The following PTPRB variants were observed in gnomAD, a reference collection of about 807,000 sequenced individuals.
PTPRB encodes the protein receptor-type tyrosine-protein phosphatase beta.
Under a neutral mutation model 238.1 loss-of-function variants are expected in PTPRB, and 97 were observed. The ratio of observed to expected loss-of-function variants is 0.41; its 90% CI spans 0.35 to 0.48. The LOEUF is 0.48. Among genes scored for constraint, PTPRB ranks in the 20% least tolerant of loss-of-function variants. The probability of loss-of-function intolerance (pLI) is 0.30; values close to 1 mark genes in which losing one functional copy is unlikely to be tolerated. For synonymous variants in PTPRB, 970 were observed against 995.4 expected (o/e 0.97, Z 0.48); for missense variants, 2,292 against 2,681.9 (o/e 0.85, Z 3.21).
chr12:70,521,504 G>T lies in PTPRB; in HGVS notation c.6633C>A (p.Val2211=). 2 of 1,546,402 alleles carry T rather than the reference G, an allele frequency of 1.3e-6. No homozygotes were observed. The highest frequency in any genetic ancestry group is 1.2e-5 in the South Asian group (1 of 81,488). The change falls in exon 34 of 34, where the codon GTC becomes GTA. Residue 2211 remains valine, a synonymous_variant. Coordinates refer to ENST00000334414, the MANE Select transcript of PTPRB (RefSeq NM_001109754.4). ...NVNPEYHRDP[V]YSRH Reference sequence around the variant, plus strand: ...AGGTACATTCTCAATGCCTTGAATAGACTGGATCTGAAAGGAAGAACACTG... The same window carrying T: ...AGGTACATTCTCAATGCCTTGAATATACTGGATCTGAAAGGAAGAACACTG...
At chr12:70,561,171 G>A (rs995918343) in intron 16 of PTPRB, among the ~76,000 whole-genome samples, 3 of 152,070 alleles carry the variant, frequency 2.0e-5, no homozygotes, top group African/African-American at 4.8e-5. Flanking sequence ...ACCCTGATAG[G>A]CATGTAAAAT....
At position 70,618,149 on chromosome 12, in the gene PTPRB, G is replaced by C. The variant is rs556317927; in HGVS notation, c.708+4241C>G. Among the ~76,000 whole-genome samples the C allele has an allele frequency of 9.2e-5, 14 of 152,282 alleles. No individual in the cohort carries two copies. In the South Asian group the frequency reaches 1.7e-3, roughly 18 times the overall value. On this transcript the variant is annotated intron_variant, in intron 3 of 33. Coordinates refer to ENST00000334414, the MANE Select transcript of PTPRB (RefSeq NM_001109754.4). ...GGGTCTCATTCTGTCATCCAGGCTG[G>C]AGTGCAGGGGCATGATCACAGCTCA...
rs529884439 is a variant in PTPRB, at chr12:70,550,782, C to T, written c.5387+1995G>A. Among the ~76,000 whole-genome samples, 644 of 152,226 alleles carry T rather than the reference C, an allele frequency of 4.2e-3. 2 individuals are homozygous for T. The highest frequency in any genetic ancestry group is 7.0e-3 in the Non-Finnish European group (474 of 68,004). On this transcript the variant is annotated intron_variant, in intron 21 of 33. Transcript: ENST00000334414. ...CCTCCCCTTTCCATAAGTAAACAAACTAAATCAGCTTCAGTTTTCCAACTC... is the reference window on the plus strand; with the variant it reads ...CCTCCCCTTTCCATAAGTAAACAAATTAAATCAGCTTCAGTTTTCCAACTC...
chr12:70,583,206 G>A (rs944445459), intron 9 of PTPRB, among the ~76,000 whole-genome samples: 1 of 152,070 alleles, frequency 6.6e-6, no homozygotes, highest in Non-Finnish European at 1.5e-5. Context: ...TATGGGTGGT[G>A]GGGATGATAA....
At chr12:70,544,512 G>T in intron 22 of PTPRB, 45 bp downstream of exon 22, 1 of 1,320,874 alleles carries the variant, frequency 7.6e-7, no homozygotes, top group Non-Finnish European at 1.1e-6. Context: ...GGCTCTTGTA[G>T]GTGACATGGC....
At chr12:70,549,688 T>C (rs1876593205) in intron 21 of PTPRB, among the ~76,000 whole-genome samples, 1 of 152,220 alleles carries the variant, frequency 6.6e-6, no homozygotes, top group Non-Finnish European at 1.5e-5. Context: ...CTGACTGGAC[T>C]GAGTTCAGCA....
At chr12:70,532,235 G>A in intron 31 of PTPRB, 65 bp from the exon 32 acceptor site, 7 of 1,487,530 alleles carry the variant, frequency 4.7e-6, no homozygotes, top group Non-Finnish European at 6.3e-6. Context: ...ATTGCATCTA[G>A]AGACTCTGGC....
chr12:70,526,145 A>T (rs1015523245), intron 32 of PTPRB, among the ~76,000 whole-genome samples: 4 of 152,180 alleles, frequency 2.6e-5, no homozygotes, highest in Admixed American at 2.6e-4. Flanking sequence ...CCAGCTATCC[A>T]TGGGACTATA....
chr12:70,558,963 C>T lies in PTPRB; in HGVS notation c.4714+380G>A, dbSNP rs1592471162. On this transcript the variant is annotated intron_variant, in intron 18 of 33. Transcript: ENST00000334414. ...GAATATTCTCCACTTCTTCCCCTAC[C>T]TCTACCTGGTAAATCTCTTGCTTTA... is the stretch of plus-strand genomic sequence containing the variant. The T allele has an allele frequency of 1.5e-5, 5 of 324,580 alleles. No homozygotes were observed. The East Asian group carries it at 2.8e-4, about 18-fold the overall frequency. 20.1% of individuals were successfully genotyped at this position (324,580 alleles called of 1,614,324 possible). A position where few individuals can be genotyped will look rare whatever the true frequency, so the allele number is the denominator to read the frequency against.
chr12:70,544,777 TA>T, intron 21 of PTPRB, 114 bp from the exon 22 acceptor site: 1 of 599,958 alleles, frequency 1.7e-6, no homozygotes, highest in Non-Finnish European at 2.8e-6. Context: ...CAGGGTAGAA[TA>T]TGAGTTATGG....
rs716876 is a variant in PTPRB at position 70,560,528 on chromosome 12, C to A, written c.4432+143G>T. The A allele has an allele frequency of 0.2, 210,617 of 1,045,944 alleles. 22,049 individuals carry two copies. The highest frequency in any genetic ancestry group is 0.27 in the South Asian group (16,114 of 59,454). 64.8% of individuals were successfully genotyped at this position (1,045,944 alleles called of 1,614,324 possible). On this transcript the variant is annotated intron_variant, in intron 17 of 33. Transcript: ENST00000334414. The surrounding 1 kb of genome is among the most constrained non-coding windows in gnomAD (Gnocchi z 4.2). ...CAAAGCCTTGTCCTTTATCTGTTGTCCCACAGTCCCTTCCCAAATTCAGGG... is the reference window on the plus strand; with the variant it reads ...CAAAGCCTTGTCCTTTATCTGTTGTACCACAGTCCCTTCCCAAATTCAGGG...
chr12:70,554,850 A>G (rs1325829992), intron 20 of PTPRB, among the ~76,000 whole-genome samples: 1 of 152,210 alleles, frequency 6.6e-6, no homozygotes, highest in African/African-American at 2.4e-5. Context: ...CATGCAATGC[A>G]CTTCCAATAG....
chr12:70,596,395 C>G (rs1883034719), intron 4 of PTPRB, 68 bp from the exon 5 acceptor site: 1 of 1,300,020 alleles, frequency 7.7e-7, no homozygotes, highest in East Asian at 2.8e-5. Context: ...AAGAACATGG[C>G]TTGAAGACTT....
intron 10 of PTPRB, among the ~76,000 whole-genome samples, chr12:70,578,160 G>T (rs1880994343): frequency 6.6e-6 from 1 of 152,098 alleles, no homozygotes; most frequent in South Asian, 2.1e-4. Context: ...AATTAGATTT[G>T]TTAAGTATAT....
chr12:70,614,931 T>C (rs188279930), intron 3 of PTPRB, among the ~76,000 whole-genome samples: 2 of 152,174 alleles, frequency 1.3e-5, no homozygotes, highest in African/African-American at 4.8e-5. Context: ...AGAGAGACAG[T>C]CTGAGATACT....
Position 70,532,178 on chromosome 12 carries a change from A to AGAT in PTPRB, c.6369-11_6369-9dup. The AGAT allele has an allele frequency of 6.3e-7, 1 of 1,575,858 alleles. No homozygotes were observed. ...GTCCTACCCACACCAGCACTAGAAGAGATGGCAAAGGAAGATTGAGCCTTT... is the reference window on the plus strand; with the variant it reads ...GTCCTACCCACACCAGCACTAGAAGAGATGATGGCAAAGGAAGATTGAGCCTTT... On this transcript the variant is annotated splice_polypyrimidine_tract_variant and intron_variant, in intron 31 of 33. Transcript: ENST00000334414.
At chr12:70,633,542 T>C (rs891622997) in intron 2 of PTPRB, among the ~76,000 whole-genome samples, 2 of 151,642 alleles carry the variant, frequency 1.3e-5, no homozygotes, top group African/African-American at 2.4e-5. Flanking sequence ...TATAATTGTG[T>C]TAAAGCAAAA....
At position 70,628,488 on chromosome 12, in the gene PTPRB, G is replaced by A. The variant is rs1056336822; in HGVS notation, c.452-5842C>T. Among the ~76,000 whole-genome samples the A allele has an allele frequency of 2.4e-4, 36 of 152,304 alleles. 1 individual carries two copies. Among genetic ancestry groups the A allele is most frequent in the Admixed American group, 2.2e-3 (33 of 15,288 alleles). ...GGCCTATCGGCCCATGGATTTGCGT[G>A]AATGTTTTTGAAACCAGTTTTGAGT... On this transcript the variant is annotated intron_variant, in intron 2 of 33. Transcript: ENST00000334414.
rs542786418 is a variant in PTPRB at position 70,587,712 on chromosome 12, C to T, written c.2051-445G>A. ...GGACACTGATGTGTTCATGGAAGGG[C>T]GAGTTGGCTGGCAATAATAGCATTT... On this transcript the variant is annotated intron_variant, in intron 8 of 33. Coordinates refer to ENST00000334414, the MANE Select transcript of PTPRB (RefSeq NM_001109754.4). Among the ~76,000 whole-genome samples the T allele has an allele frequency of 2.5e-3, 387 of 152,174 alleles. 3 individuals carry two copies. Among genetic ancestry groups the T allele is most frequent in the Non-Finnish European group, 2.6e-3 (175 of 68,008 alleles).
Sources: allele counts gnomAD v4.1 joint callset (sites outside exome capture counted in the v4.1 genomes callset), GRCh38; gene constraint gnomAD v4.1.1; non-coding constraint Gnocchi (gnomAD v3.1); transcripts MANE v1.5; gene names NCBI Gene and HGNC (gene_info 2026-07-23, HGNC 2026-07-21).